Variants in PDSS2 observed in about 807,000 individuals in gnomAD.
PDSS2 encodes decaprenyl diphosphate synthase subunit 2.
Under a neutral mutation model 44.5 loss-of-function variants are expected in PDSS2, and 31 were observed. The ratio of observed to expected loss-of-function variants is 0.70; its 90% CI spans 0.52 to 0.94. PDSS2 has a LOEUF of 0.94. Ranked by LOEUF, PDSS2 falls within the 40% of genes least tolerant of loss-of-function variation. The pLI is 0.00. For missense variants in PDSS2, 452 were observed against 482.2 expected (o/e 0.94, Z 0.59); for synonymous variants, 157 against 180.3 (o/e 0.87, Z 1.03).
intron 1 of PDSS2, among the ~76,000 whole-genome samples, chr6:107,447,287 G>C (rs1781717809): frequency 6.6e-6 from 1 of 152,130 alleles, no homozygotes; most frequent in Non-Finnish European, 1.5e-5. Context: ...AGTGAGCCGA[G>C]ATGGCACCAC....
chr6:107,314,850 A>C (rs1041825263), intron 2 of PDSS2, among the ~76,000 whole-genome samples: 2 of 152,376 alleles, frequency 1.3e-5, no homozygotes, highest in Non-Finnish European at 1.5e-5. Context: ...GGAAAAGAAA[A>C]GCAATGCCCT....
At chr6:107,290,158 C>T (rs1386173220) in intron 2 of PDSS2, among the ~76,000 whole-genome samples, 1 of 152,174 alleles carries the variant, frequency 6.6e-6, no homozygotes, top group East Asian at 1.9e-4. Flanking sequence ...TATTTCTTTA[C>T]ACCACGATTT....
intron 2 of PDSS2, among the ~76,000 whole-genome samples, chr6:107,303,744 T>C (rs1007229493): frequency 7.9e-5 from 12 of 152,218 alleles, no homozygotes; most frequent in African/African-American, 2.9e-4. Context: ...CATGTCCTAT[T>C]CTCTATTATT....
intron 1 of PDSS2, among the ~76,000 whole-genome samples, chr6:107,362,408 GC>G (rs954007710): frequency 3.9e-5 from 6 of 152,168 alleles, no homozygotes; most frequent in Admixed American, 1.3e-4. Context: ...ACTAAGCTAT[GC>G]AGACACAAGG....
intron 1 of PDSS2, among the ~76,000 whole-genome samples, chr6:107,384,883 T>A (rs1029546766): frequency 6.6e-6 from 1 of 152,126 alleles, no homozygotes; most frequent in Non-Finnish European, 1.5e-5. Flanking sequence ...GTCCAAAATT[T>A]ATATAGGTCT....
chr6:107,276,177 T>C (rs943712884), intron 2 of PDSS2, among the ~76,000 whole-genome samples: 5 of 143,846 alleles, frequency 3.5e-5, no homozygotes, highest in African/African-American at 1.3e-4. Context: ...CCAAGAACAA[T>C]GGAGAAGAGT....
chr6:107,346,478 T>C (rs1344752042), intron 1 of PDSS2, among the ~76,000 whole-genome samples: 1 of 152,264 alleles, frequency 6.6e-6, no homozygotes, highest in Non-Finnish European at 1.5e-5. Flanking sequence ...ATCATTTATT[T>C]TGATTATTCT....
intron 1 of PDSS2, among the ~76,000 whole-genome samples, chr6:107,352,909 A>G (rs1273161539): frequency 2.0e-5 from 3 of 152,240 alleles, no homozygotes; most frequent in African/African-American, 7.2e-5. Flanking sequence ...TCTGATTTAG[A>G]GAATCCATGT....
At chr6:107,205,465 T>C (rs1235423931) in intron 6 of PDSS2, among the ~76,000 whole-genome samples, 1 of 152,188 alleles carries the variant, frequency 6.6e-6, no homozygotes, top group East Asian at 1.9e-4. Context: ...GATTCTACTT[T>C]CTTTTATTAG....
intron 4 of PDSS2, among the ~76,000 whole-genome samples, chr6:107,222,915 G>T (rs1469065899): frequency 6.6e-6 from 1 of 151,678 alleles, no homozygotes; most frequent in Non-Finnish European, 1.5e-5. Context: ...AGACCAGCCT[G>T]GGCAACAAAG....
At chr6:107,264,498 A>G in intron 3 of PDSS2, 1 of 1,542,330 alleles carries the variant, frequency 6.5e-7, no homozygotes, top group Admixed American at 2.0e-5. Context: ...CAATAGGTCC[A>G]TTAAATGAAA....
chr6:107,440,753 GT>G (rs1408743672), intron 1 of PDSS2, among the ~76,000 whole-genome samples: 1 of 152,312 alleles, frequency 6.6e-6, no homozygotes, highest in East Asian at 1.9e-4. Context: ...TACAAAGAGA[GT>G]ATCTGAATAC....
intron 2 of PDSS2, among the ~76,000 whole-genome samples, chr6:107,330,592 G>C (rs1777682824): frequency 6.6e-6 from 1 of 152,008 alleles, no homozygotes; most frequent in African/African-American, 2.4e-5. Context: ...AAAATCTATA[G>C]TTTTTAATAT....
intron 1 of PDSS2, among the ~76,000 whole-genome samples, chr6:107,429,901 A>AAAAAAAAATATATATAT (rs1166637352): frequency 9.4e-5 from 3 of 31,840 alleles, no homozygotes; most frequent in African/African-American, 1.3e-4. Context: ...AAAAAAAAAA[A>AAAAAAAAATATATATAT]ATATATATAT....
intron 1 of PDSS2, among the ~76,000 whole-genome samples, chr6:107,383,018 A>G (rs1779499600): frequency 6.6e-6 from 1 of 151,868 alleles, no homozygotes; most frequent in African/African-American, 2.4e-5. Flanking sequence ...AACTCAAAAC[A>G]GGGCTGGGTG....
intron 4 of PDSS2, among the ~76,000 whole-genome samples, chr6:107,225,006 G>GA (rs1773738020): frequency 1.3e-5 from 2 of 149,172 alleles, no homozygotes; most frequent in Admixed American, 6.7e-5. Flanking sequence ...AATGGTTGTC[G>GA]GCAGTAGGCT....
intron 7 of PDSS2, among the ~76,000 whole-genome samples, chr6:107,161,475 G>A (rs1410457800): frequency 3.9e-5 from 5 of 129,810 alleles, no homozygotes; most frequent in African/African-American, 1.1e-4. Context: ...GCGAGACTCC[G>A]TCTCAGGAAA....
intron 1 of PDSS2, among the ~76,000 whole-genome samples, chr6:107,429,904 ATATATATATATATATATATAT>A (rs1562534263): frequency 0.029 from 968 of 33,378 alleles, 109 homozygotes; most frequent in African/African-American, 0.079. Context: ...AAAAAAAAAT[ATATATATATATATATATATAT>A]ATATATATAT....
intron 2 of PDSS2, among the ~76,000 whole-genome samples, chr6:107,325,662 C>T (rs1427882794): frequency 1.3e-5 from 2 of 152,142 alleles, no homozygotes; most frequent in Non-Finnish European, 2.9e-5. Context: ...CAGGTCAGCC[C>T]AGGGACTCCA....
Sources: gnomAD v4.1 joint callset for allele counts (sites outside exome capture counted in the v4.1 genomes callset) on GRCh38, gnomAD v4.1.1 for gene constraint, MANE v1.5 for transcripts, NCBI Gene and HGNC (gene_info 2026-07-23, HGNC 2026-07-21) for gene names.